Variants in FNBP1L observed in about 807,000 individuals in gnomAD.
FNBP1L encodes the protein formin-binding protein 1-like.
FNBP1L carries 36 observed loss-of-function variants against 91.2 expected under a neutral mutation model. That is an observed-to-expected ratio of 0.39 (90% CI 0.30 to 0.52). The LOEUF (loss-of-function observed/expected upper bound fraction) is 0.52, where lower values mean the gene tolerates loss of function less well. Ranked by LOEUF, FNBP1L falls within the 20% of genes least tolerant of loss-of-function variation. FNBP1L has a pLI of 0.66. For missense variants in FNBP1L, 571 were observed against 732.1 expected (o/e 0.78, Z 2.54); for synonymous variants, 242 against 237.0 (o/e 1.02, Z -0.19).
rs956814026 is a variant in FNBP1L, at chr1:93,451,290, T to A, written c.24+2985T>A. Among the ~76,000 whole-genome samples the A allele has an allele frequency of 2.6e-5, 4 of 152,142 alleles. No homozygotes were observed. In the East Asian group the frequency reaches 7.7e-4, roughly 29 times the overall value. The stretch of plus-strand genomic sequence containing the variant: ...GCTTTTTTTTAACAGATAGGGACAT[T>A]AGAGATTGGAAAAGACCTATGTTTA... On this transcript the variant is annotated intron_variant, in intron 1 of 16. Transcript: ENST00000271234.
At chr1:93,498,509 G>A (rs1291958249) in intron 1 of FNBP1L, among the ~76,000 whole-genome samples, 2 of 152,172 alleles carry the variant, frequency 1.3e-5, no homozygotes, top group Non-Finnish European at 2.9e-5. Flanking sequence ...GGTAGAGAAA[G>A]AGATAAAAGG....
At chr1:93,520,945 G>T (rs571081732) in intron 2 of FNBP1L, among the ~76,000 whole-genome samples, 19 of 152,298 alleles carry the variant, frequency 1.2e-4, no homozygotes, top group African/African-American at 4.3e-4. Context: ...AGGAGGCTGA[G>T]GCTGGAGAAT....
At chr1:93,516,467 C>T (rs1414762347) in intron 2 of FNBP1L, among the ~76,000 whole-genome samples, 2 of 152,180 alleles carry the variant, frequency 1.3e-5, no homozygotes, top group East Asian at 1.9e-4. Context: ...AATTGTCCAT[C>T]ATCTGCTTTG....
At chr1:93,512,042 A>G (rs1017758665) in intron 2 of FNBP1L, among the ~76,000 whole-genome samples, 2 of 151,910 alleles carry the variant, frequency 1.3e-5, no homozygotes, top group African/African-American at 2.4e-5. Flanking sequence ...ATGTGCAGAG[A>G]CACACATAGG....
At chr1:93,465,982 GT>G (rs1669065630) in intron 1 of FNBP1L, among the ~76,000 whole-genome samples, 1 of 152,116 alleles carries the variant, frequency 6.6e-6, no homozygotes, top group Non-Finnish European at 1.5e-5. Context: ...TCATGTGTCT[GT>G]TGGCTGCATA....
chr1:93,455,976 G>T (rs1306510708), intron 1 of FNBP1L, among the ~76,000 whole-genome samples: 1 of 152,200 alleles, frequency 6.6e-6, no homozygotes, highest in Non-Finnish European at 1.5e-5. Context: ...GGCATTGTGA[G>T]ATGTTATCTA....
chr1:93,550,069 G>T (rs1026209476), intron 15 of FNBP1L, among the ~76,000 whole-genome samples: 13 of 152,284 alleles, frequency 8.5e-5, no homozygotes, highest in African/African-American at 2.4e-4. Flanking sequence ...AGAACTGAGC[G>T]ACACTTTCAT....
At chr1:93,455,079 C>G (rs1668613558) in intron 1 of FNBP1L, among the ~76,000 whole-genome samples, 1 of 152,166 alleles carries the variant, frequency 6.6e-6, no homozygotes, top group Non-Finnish European at 1.5e-5. Flanking sequence ...TAGGCGCCCA[C>G]CACCACGCCT....
At chr1:93,487,115 A>G (rs182784552) in intron 1 of FNBP1L, among the ~76,000 whole-genome samples, 27 of 152,312 alleles carry the variant, frequency 1.8e-4, no homozygotes, top group African/African-American at 6.5e-4. Flanking sequence ...GCATGTTGCT[A>G]AAGTGGTCAG....
chr1:93,533,184 TTC>T, intron 8 of FNBP1L, 116 bp downstream of exon 8: 1 of 806,588 alleles, frequency 1.2e-6, no homozygotes, highest in Non-Finnish European at 1.8e-6. Flanking sequence ...CTAAATTATA[TTC>T]TGTAGAAGAA....
chr1:93,511,688 C>T (rs572817021), intron 2 of FNBP1L, among the ~76,000 whole-genome samples: 69 of 152,160 alleles, frequency 4.5e-4, no homozygotes, highest in South Asian at 1.7e-3. Context: ...AAGACCCGGC[C>T]GGGTGCGGTG....
chr1:93,451,381 G>GA (rs545941388), intron 1 of FNBP1L, among the ~76,000 whole-genome samples: 20 of 152,036 alleles, frequency 1.3e-4, no homozygotes, highest in African/African-American at 4.6e-4. Flanking sequence ...AAGTTCGACA[G>GA]AAAAAATCTG....
chr1:93,497,039 C>T (rs1191058953), intron 1 of FNBP1L, among the ~76,000 whole-genome samples: 1 of 152,150 alleles, frequency 6.6e-6, no homozygotes, highest in Non-Finnish European at 1.5e-5. Flanking sequence ...CGGCTCACTG[C>T]AAGCTCTACC....
intron 1 of FNBP1L, among the ~76,000 whole-genome samples, chr1:93,483,393 C>T (rs1039082724): frequency 1.3e-5 from 2 of 152,016 alleles, no homozygotes; most frequent in Admixed American, 6.6e-5. Context: ...TCAGTGCCTC[C>T]CACCAGTATT....
At position 93,521,728 on chromosome 1, in the gene FNBP1L, G is replaced by T. The variant is rs532869295; in HGVS notation, c.141-354G>T. 9.2e-5 allele frequency among the ~76,000 whole-genome samples: 14 copies of T among 151,946 alleles called. 1 individual carries two copies. The highest frequency in any genetic ancestry group is 2.7e-4 in the African/African-American group (11 of 41,382). On this transcript the variant is annotated intron_variant, in intron 2 of 16. Coordinates refer to ENST00000271234, the MANE Select transcript of FNBP1L (RefSeq NM_001164473.3). ...TTACTTACTTGAATATTTTTGACCC[G>T]TCGTTGAATCTGTGGTTGTGGAACC...
chr1:93,532,586 C>G (rs1217987603), intron 7 of FNBP1L, among the ~76,000 whole-genome samples: 1 of 133,652 alleles, frequency 7.5e-6, no homozygotes, highest in East Asian at 2.4e-4. Flanking sequence ...GAAGCATAAA[C>G]AAGAACTACT....
chr1:93,467,408 C>G (rs1442839624), intron 1 of FNBP1L, among the ~76,000 whole-genome samples: 2 of 152,078 alleles, frequency 1.3e-5, no homozygotes, highest in East Asian at 1.9e-4. Context: ...TTGTACAACT[C>G]CGTTTACATG....
intron 1 of FNBP1L, among the ~76,000 whole-genome samples, chr1:93,479,234 G>A (rs1570783884): frequency 6.6e-6 from 1 of 152,138 alleles, no homozygotes; most frequent in Non-Finnish European, 1.5e-5. Context: ...GGGGGTGTAC[G>A]AACAGGGAGT....
intron 1 of FNBP1L, among the ~76,000 whole-genome samples, chr1:93,465,790 C>A (rs1262603513): frequency 6.6e-6 from 1 of 152,206 alleles, no homozygotes; most frequent in Admixed American, 6.5e-5. Context: ...CTGTCTTCCA[C>A]AATAGTTGAA....
Sources: gnomAD v4.1 joint callset for allele counts (sites outside exome capture counted in the v4.1 genomes callset) on GRCh38, gnomAD v4.1.1 for gene constraint, MANE v1.5 for transcripts, NCBI Gene and HGNC (gene_info 2026-07-23, HGNC 2026-07-21) for gene names.